The following SV2C variants were observed in gnomAD, a reference collection of about 807,000 sequenced individuals.
SV2C encodes solute carrier family 22 member B3.
SV2C carries 49 observed loss-of-function variants against 79.7 expected under a neutral mutation model. The observed-to-expected ratio is 0.61, with a 90% CI of 0.49 to 0.78. The LOEUF is 0.78. SV2C is among the 30% of genes least tolerant of loss of function. The probability of loss-of-function intolerance (pLI) is 0.00; values close to 1 mark genes in which losing one functional copy is unlikely to be tolerated. For synonymous variants in SV2C, 334 were observed against 333.2 expected (o/e 1.00, Z -0.03); for missense variants, 833 against 912.9 (o/e 0.91, Z 1.13).
intron 1 of SV2C, among the ~76,000 whole-genome samples, chr5:76,128,958 T>C (rs1412622001): frequency 6.6e-6 from 1 of 152,194 alleles, no homozygotes; most frequent in Non-Finnish European, 1.5e-5. Flanking sequence ...CCTGGCAATA[T>C]CTGGAATGAG....
chr5:76,316,707 C>T (rs1748634435), intron 12 of SV2C, among the ~76,000 whole-genome samples: 2 of 152,000 alleles, frequency 1.3e-5, no homozygotes. Context: ...TGTGAGAGTA[C>T]GGGGAGAGGC....
the SV2C span, among the ~76,000 whole-genome samples, chr5:75,942,909 A>G: frequency 6.6e-6 from 1 of 152,172 alleles, no homozygotes; most frequent in South Asian, 2.1e-4. Flanking sequence ...GCATGTCTGT[A>G]ATCCCAACTA....
At chr5:75,868,545 G>A in the SV2C span, among the ~76,000 whole-genome samples, 1 of 152,206 alleles carries the variant, frequency 6.6e-6, no homozygotes, top group Non-Finnish European at 1.5e-5. Context: ...GCTTTAGGAA[G>A]TACCTGCTCC....
At chr5:76,272,155 A>G (rs1746888718) in intron 4 of SV2C, among the ~76,000 whole-genome samples, 1 of 152,210 alleles carries the variant, frequency 6.6e-6, no homozygotes, top group Non-Finnish European at 1.5e-5. Context: ...TAGCAGAGGT[A>G]TACAAGTGTG....
At chr5:76,019,049 T>C in the SV2C span, among the ~76,000 whole-genome samples, 1 of 152,134 alleles carries the variant, frequency 6.6e-6, no homozygotes, top group African/African-American at 2.4e-5. Flanking sequence ...TGGGGAATTG[T>C]CCCAACTTCC....
At chr5:75,884,542 A>C in the SV2C span, among the ~76,000 whole-genome samples, 3 of 152,084 alleles carry the variant, frequency 2.0e-5, no homozygotes, top group East Asian at 5.8e-4. Context: ...GGACTTGGTC[A>C]TTTTTATTTT....
chr5:76,319,671 C>T (rs1748762114), intron 12 of SV2C, among the ~76,000 whole-genome samples: 1 of 152,170 alleles, frequency 6.6e-6, no homozygotes, highest in Non-Finnish European at 1.5e-5. Flanking sequence ...GCTCCTAACG[C>T]ATCTGCCTTT....
intron 10 of SV2C, 146 bp from the exon 11 acceptor site, chr5:76,300,583 G>A (rs1747955340): frequency 1.4e-6 from 1 of 716,632 alleles, no homozygotes; most frequent in African/African-American, 1.8e-5. Flanking sequence ...TTGGCCAGAA[G>A]ACCCAAAAAG....
intron 1 of SV2C, among the ~76,000 whole-genome samples, chr5:76,099,462 C>T (rs995884720): frequency 2.0e-5 from 3 of 151,792 alleles, no homozygotes; most frequent in South Asian, 2.1e-4. Flanking sequence ...ATGATGACAT[C>T]GTTAAATGCC....
chr5:76,013,867 G>A, the SV2C span, among the ~76,000 whole-genome samples: 2 of 152,124 alleles, frequency 1.3e-5, no homozygotes, highest in Non-Finnish European at 2.9e-5. Flanking sequence ...GTAAGGCTCT[G>A]CGAGAAACAA....
chr5:75,923,326 A>T, the SV2C span, among the ~76,000 whole-genome samples: 3 of 152,196 alleles, frequency 2.0e-5, no homozygotes, highest in Non-Finnish European at 4.4e-5. Flanking sequence ...ATTCTAGAAG[A>T]TAACATCAGA....
intron 4 of SV2C, among the ~76,000 whole-genome samples, chr5:76,277,589 T>C (rs976077240): frequency 8.5e-5 from 13 of 152,066 alleles, no homozygotes; most frequent in African/African-American, 3.1e-4. Context: ...GTCTGGATAA[T>C]ATGGTGAAAC....
chr5:76,243,781 C>A (rs1425050382), intron 4 of SV2C, among the ~76,000 whole-genome samples: 2 of 152,180 alleles, frequency 1.3e-5, no homozygotes, highest in Non-Finnish European at 1.5e-5. Flanking sequence ...TGAAAGTAAA[C>A]CTCAAGTCCT....
At chr5:75,886,890 C>T in the SV2C span, among the ~76,000 whole-genome samples, 1 of 152,046 alleles carries the variant, frequency 6.6e-6, no homozygotes, top group African/African-American at 2.4e-5. Context: ...GCAAGTTTTC[C>T]TGGAATTGTT....
chr5:75,883,306 A>G, the SV2C span, among the ~76,000 whole-genome samples: 2 of 142,826 alleles, frequency 1.4e-5, no homozygotes, highest in Non-Finnish European at 3.0e-5. Flanking sequence ...ATCTAGAACT[A>G]GAAATACCAT....
the SV2C span, among the ~76,000 whole-genome samples, chr5:76,056,552 G>T: frequency 6.7e-5 from 10 of 150,366 alleles, no homozygotes; most frequent in African/African-American, 2.4e-4. Flanking sequence ...TTTAGTTTCA[G>T]AAAGAATGGC....
chr5:76,223,452 T>C (rs866312698), intron 4 of SV2C, among the ~76,000 whole-genome samples: 464 of 17,766 alleles, frequency 0.026, 2 homozygotes, highest in Non-Finnish European at 0.031. Context: ...TACATATATA[T>C]ATATATATAT....
At chr5:76,117,101 T>C (rs929840179) in intron 1 of SV2C, among the ~76,000 whole-genome samples, 2 of 152,226 alleles carry the variant, frequency 1.3e-5, no homozygotes, top group African/African-American at 4.8e-5. Context: ...GTTCCACAAA[T>C]GGAATTCAGT....
intron 2 of SV2C, among the ~76,000 whole-genome samples, chr5:76,171,904 A>C (rs1321207519): frequency 2.1e-4 from 10 of 47,492 alleles, no homozygotes; most frequent in Admixed American, 6.4e-4. Context: ...CAGCCCCCCC[A>C]CCCGGCCAGC....
Sources: allele counts gnomAD v4.1 joint callset (sites outside exome capture counted in the v4.1 genomes callset), GRCh38; gene constraint gnomAD v4.1.1; transcripts MANE v1.5; gene names NCBI Gene and HGNC (gene_info 2026-07-23, HGNC 2026-07-21).